The following HMGCLL1 variants were observed in gnomAD, a reference collection of about 807,000 sequenced individuals.
HMGCLL1 encodes 3-hydroxymethyl-3-methylglutaryl-CoA lyase, cytoplasmic.
HMGCLL1 carries 36 observed loss-of-function variants against 39.1 expected under a neutral mutation model. That is an observed-to-expected ratio of 0.92 (90% CI 0.71 to 1.22). HMGCLL1 has a LOEUF of 1.22. Among genes scored for constraint, HMGCLL1 ranks in the 50% most tolerant of loss-of-function variants. The pLI is 0.00. For synonymous variants in HMGCLL1, 149 were observed against 144.0 expected, an observed-to-expected ratio of 1.03 and a Z score of -0.25; for missense variants, 451 against 416.5, an observed-to-expected ratio of 1.08 and a Z score of -0.72.
chr6:55,629,950 G>A, the HMGCLL1 span, among the ~76,000 whole-genome samples: 2 of 152,178 alleles, frequency 1.3e-5, no homozygotes, highest in East Asian at 3.9e-4. Context: ...GAGAAACTCT[G>A]CTAGGGCAGT....
intron 7 of HMGCLL1, among the ~76,000 whole-genome samples, chr6:55,475,815 C>T (rs1765259216): frequency 6.6e-6 from 1 of 151,424 alleles, no homozygotes; most frequent in African/African-American, 2.4e-5. Flanking sequence ...GTATGAATAT[C>T]CAATTGAACT....
intron 3 of HMGCLL1, among the ~76,000 whole-genome samples, chr6:55,523,923 A>G (rs9791201): frequency 0.68 from 103,301 of 151,774 alleles, 35,211 homozygotes; most frequent in Admixed American, 0.72. Context: ...TCAAAAATAT[A>G]TTCCATATAA....
chr6:55,664,324 T>A, the HMGCLL1 span, among the ~76,000 whole-genome samples: 1 of 151,784 alleles, frequency 6.6e-6, no homozygotes, highest in Non-Finnish European at 1.5e-5. Flanking sequence ...TTTCCATATT[T>A]AGTGCTCTTT....
At chr6:55,467,579 C>T (rs1195754670) in intron 7 of HMGCLL1, among the ~76,000 whole-genome samples, 3 of 152,016 alleles carry the variant, frequency 2.0e-5, no homozygotes, top group South Asian at 2.1e-4. Context: ...TCATTAAGTG[C>T]AGGTATGTTC....
chr6:55,480,443 G>A (rs1765681031), intron 7 of HMGCLL1, among the ~76,000 whole-genome samples: 1 of 151,612 alleles, frequency 6.6e-6, no homozygotes, highest in Non-Finnish European at 1.5e-5. Flanking sequence ...CACCAGTTAA[G>A]ACAGCTTTTA....
At chr6:55,633,068 A>T in the HMGCLL1 span, among the ~76,000 whole-genome samples, 1,498 of 152,220 alleles carry the variant, frequency 9.8e-3, 25 homozygotes, top group African/African-American at 0.023. Flanking sequence ...GTATTACTTT[A>T]AAAATGACTG....
intron 7 of HMGCLL1, among the ~76,000 whole-genome samples, chr6:55,485,546 A>G (rs1005157576): frequency 1.3e-5 from 2 of 152,100 alleles, no homozygotes; most frequent in South Asian, 2.1e-4. Flanking sequence ...ATATACATAT[A>G]TATGTTAGAC....
Position 55,514,034 on chromosome 6 carries a change from G to T in HMGCLL1, c.542+14C>A, listed in dbSNP as rs746718401. 6.2e-7 allele frequency: 1 copy of T among 1,606,050 alleles called. No homozygotes were observed. Among genetic ancestry groups the T allele is most frequent in the South Asian group, 1.1e-5 (1 of 88,556 alleles). ...AACATTAACAAAACAGAATTTGTGG[G>T]ATTTCATAAGTACCCTCGTGCTGGA... On this transcript the variant is annotated intron_variant, in intron 5 of 8. Transcript: ENST00000274901.
chr6:55,514,807 CT>C (rs1291319498), intron 4 of HMGCLL1, among the ~76,000 whole-genome samples: 1 of 152,184 alleles, frequency 6.6e-6, no homozygotes, highest in East Asian at 1.9e-4. Context: ...CCTTTTTGCA[CT>C]TTTTGTCAAC....
the HMGCLL1 span, among the ~76,000 whole-genome samples, chr6:55,627,994 TATA>T: frequency 8.7e-5 from 2 of 23,100 alleles, 1 homozygote; most frequent in Non-Finnish European, 1.3e-4. Flanking sequence ...ATATATATTA[TATA>T]TATAGTTATA....
intron 2 of HMGCLL1, 75 bp from the exon 3 acceptor site, chr6:55,541,911 A>G: frequency 5.3e-6 from 5 of 952,148 alleles, no homozygotes; most frequent in Non-Finnish European, 6.4e-6. Context: ...TTACTTCCTA[A>G]GTCAAAGTGA....
chr6:55,542,761 A>G (rs1010893171), intron 1 of HMGCLL1, among the ~76,000 whole-genome samples: 13 of 147,896 alleles, frequency 8.8e-5, no homozygotes, highest in Admixed American at 8.3e-4. Context: ...CCTTGGTGAC[A>G]GTGCGGAATT....
intron 7 of HMGCLL1, among the ~76,000 whole-genome samples, chr6:55,450,316 T>C (rs1764027091): frequency 6.6e-6 from 1 of 152,208 alleles, no homozygotes; most frequent in Admixed American, 6.5e-5. Context: ...TGGCAGAAGA[T>C]TTCAAAACAA....
intron 5 of HMGCLL1, among the ~76,000 whole-genome samples, chr6:55,508,797 C>T (rs1767295742): frequency 1.3e-5 from 2 of 151,862 alleles, no homozygotes; most frequent in African/African-American, 4.8e-5. Flanking sequence ...ATTAATTTCA[C>T]ACCTTAGGGA....
chr6:55,575,913 T>C (rs1771738455), intron 1 of HMGCLL1, among the ~76,000 whole-genome samples: 1 of 152,206 alleles, frequency 6.6e-6, no homozygotes, highest in South Asian at 2.1e-4. Flanking sequence ...CTTGAACAAA[T>C]GCTAAGAAGA....
At chr6:55,651,848 G>A in the HMGCLL1 span, among the ~76,000 whole-genome samples, 1 of 152,082 alleles carries the variant, frequency 6.6e-6, no homozygotes, top group Admixed American at 6.6e-5. Flanking sequence ...GCCTAGCAGA[G>A]CTCTATTCTC....
intron 1 of HMGCLL1, among the ~76,000 whole-genome samples, chr6:55,575,938 A>G (rs1350340461): frequency 6.6e-6 from 1 of 152,180 alleles, no homozygotes; most frequent in Non-Finnish European, 1.5e-5. Context: ...CATGGTCTTC[A>G]TGGGCATGTG....
intron 1 of HMGCLL1, among the ~76,000 whole-genome samples, chr6:55,559,408 C>A (rs185575684): frequency 1.3e-5 from 2 of 152,258 alleles, no homozygotes; most frequent in African/African-American, 4.8e-5. Context: ...AACTCTGCTG[C>A]CATCCCCACA....
chr6:55,590,910 A>G, the HMGCLL1 span, among the ~76,000 whole-genome samples: 1 of 152,000 alleles, frequency 6.6e-6, no homozygotes, highest in Non-Finnish European at 1.5e-5. Context: ...TATTTTAACT[A>G]TGTGTATGAA....
Sources: allele counts gnomAD v4.1 joint callset (sites outside exome capture counted in the v4.1 genomes callset), GRCh38; gene constraint gnomAD v4.1.1; transcripts MANE v1.5; gene names NCBI Gene and HGNC (gene_info 2026-07-23, HGNC 2026-07-21).